PGPEP1L: variants seen among roughly 807,000 people sequenced by gnomAD.
The protein encoded by PGPEP1L is pyroglutamyl-peptidase 1-like protein.
In PGPEP1L, 7 loss-of-function variants were observed where a neutral mutation model predicts 6.0. The observed-to-expected ratio is 1.17, with a 90% confidence interval of 0.66 to 2.19. PGPEP1L has a LOEUF of 2.19. Among genes scored for constraint, PGPEP1L ranks in the 30% most tolerant of loss-of-function variants. The pLI, the probability that PGPEP1L is intolerant of heterozygous loss-of-function variation, is 0.00. For missense variants in PGPEP1L, 209 were observed against 192.5 expected (o/e 1.09, Z -0.51); for synonymous variants, 103 against 83.9 (o/e 1.23, Z -1.24).
At chr15:98,973,276 A>G (rs941197216) in intron 2 of PGPEP1L, among the ~76,000 whole-genome samples, 2 of 152,194 alleles carry the variant, frequency 1.3e-5, no homozygotes, top group African/African-American at 4.8e-5. Flanking sequence ...AAACTTTGAT[A>G]CTCCACTTTC....
intron 2 of PGPEP1L, among the ~76,000 whole-genome samples, chr15:98,973,443 A>G (rs1188361844): frequency 6.6e-6 from 1 of 152,234 alleles, no homozygotes; most frequent in Non-Finnish European, 1.5e-5. Flanking sequence ...CATTCTCCAG[A>G]ATAGTTCAAA....
At chr15:99,003,474 AG>A (rs2018003949) in intron 2 of PGPEP1L, among the ~76,000 whole-genome samples, 1 of 151,752 alleles carries the variant, frequency 6.6e-6, no homozygotes, top group Admixed American at 6.6e-5. Context: ...GAATTCTGAG[AG>A]GCCCGTGGGA....
intron 2 of PGPEP1L, among the ~76,000 whole-genome samples, chr15:98,986,996 G>C: frequency 6.6e-6 from 1 of 151,646 alleles, no homozygotes; most frequent in East Asian, 1.9e-4. Flanking sequence ...ATGAAACCTC[G>C]TTTCTACTAA....
intron 2 of PGPEP1L, among the ~76,000 whole-genome samples, chr15:98,991,786 A>T (rs1484068859): frequency 6.6e-6 from 1 of 152,260 alleles, no homozygotes; most frequent in African/African-American, 2.4e-5. Context: ...CCTGGGATGC[A>T]AGGCTGGTTC....
At chr15:98,978,433 AT>A (rs1298580399) in intron 2 of PGPEP1L, among the ~76,000 whole-genome samples, 3 of 151,800 alleles carry the variant, frequency 2.0e-5, no homozygotes, top group African/African-American at 7.3e-5. Flanking sequence ...GGCCTACTGG[AT>A]TTTGGAATCC....
At chr15:98,992,585 T>C (rs2017833886) in intron 2 of PGPEP1L, among the ~76,000 whole-genome samples, 1 of 152,118 alleles carries the variant, frequency 6.6e-6, no homozygotes. Flanking sequence ...TTCACAGAAC[T>C]GCAAAAACTA....
chr15:98,989,832 T>C (rs1555471883), intron 2 of PGPEP1L, among the ~76,000 whole-genome samples: 1 of 152,176 alleles, frequency 6.6e-6, no homozygotes, highest in African/African-American at 2.4e-5. Flanking sequence ...ATATTCAACA[T>C]TCTTAAAGAA....
intron 2 of PGPEP1L, among the ~76,000 whole-genome samples, chr15:98,998,568 G>A (rs930273454): frequency 1.3e-5 from 2 of 152,306 alleles, no homozygotes; most frequent in East Asian, 1.9e-4. Flanking sequence ...GGATAGGTTC[G>A]TCAACCAATG....
At chr15:98,984,220 C>A (rs974287794) in intron 2 of PGPEP1L, among the ~76,000 whole-genome samples, 13 of 152,048 alleles carry the variant, frequency 8.5e-5, no homozygotes, top group African/African-American at 3.1e-4. Flanking sequence ...CCATGTTAGC[C>A]AAGATGGTCT....
At chr15:98,996,933 T>A (rs1264645760) in intron 2 of PGPEP1L, among the ~76,000 whole-genome samples, 1 of 152,134 alleles carries the variant, frequency 6.6e-6, no homozygotes, top group African/African-American at 2.4e-5. Context: ...ATGTGTTAAC[T>A]CCGTTAATCA....
intron 2 of PGPEP1L, among the ~76,000 whole-genome samples, chr15:99,000,264 CAGCCCGCCATGCCGG>C (rs1555472836): frequency 6.6e-6 from 1 of 152,244 alleles, no homozygotes. Context: ...TCAGGACCTG[CAGCCCGCCATGCCGG>C]AGCTCCCCCT....
chr15:98,987,682 A>G (rs1323460213), intron 2 of PGPEP1L, among the ~76,000 whole-genome samples: 1 of 152,086 alleles, frequency 6.6e-6, no homozygotes, highest in African/African-American at 2.4e-5. Flanking sequence ...CTACTCTTTA[A>G]TAGTTACTCT....
rs180711705 is a variant in PGPEP1L, at chr15:98,992,231, G to C, written c.-142+13198C>G. On this transcript the variant is annotated intron_variant, in intron 2 of 4. Coordinates refer to ENST00000535714, the MANE Select transcript of PGPEP1L (RefSeq NM_001167902.2). ...TCTCAGCCCAAAATCTCCTTAAGGT[G>C]ATAAGCAATTTCAGCAAAGTCTCAG... Among the ~76,000 whole-genome samples the C allele has an allele frequency of 4.4e-4, 67 of 152,330 alleles. 1 individual carries two copies. The highest frequency in any genetic ancestry group is 1.3e-4 in the Non-Finnish European group (9 of 68,032).
chr15:98,973,249 C>A (rs1160428545), intron 2 of PGPEP1L, among the ~76,000 whole-genome samples: 1 of 152,156 alleles, frequency 6.6e-6, no homozygotes, highest in African/African-American at 2.4e-5. Context: ...AGATTAACTG[C>A]AACCAATAAT....
chr15:98,995,858 C>T (rs2017880447), intron 2 of PGPEP1L, among the ~76,000 whole-genome samples: 1 of 152,178 alleles, frequency 6.6e-6, no homozygotes, highest in Admixed American at 6.5e-5. Context: ...CCTAGGAAAC[C>T]ATTAATCCTC....
intron 2 of PGPEP1L, among the ~76,000 whole-genome samples, chr15:98,978,738 T>A (rs1487832092): frequency 5.6e-4 from 80 of 143,056 alleles, no homozygotes; most frequent in Admixed American, 7.7e-4. Context: ...TTTTTTTTTT[T>A]TTTTTTTTTT....
intron 2 of PGPEP1L, among the ~76,000 whole-genome samples, chr15:98,983,417 G>A (rs1173580674): frequency 1.3e-5 from 2 of 152,184 alleles, no homozygotes; most frequent in Non-Finnish European, 2.9e-5. Flanking sequence ...TCAAATATGA[G>A]AAGAGCCCTG....
Position 98,969,596 on chromosome 15 carries a change from G to T in PGPEP1L, c.38C>A (p.Ser13Tyr), listed in dbSNP as rs747143833. The T allele has an allele frequency of 6.2e-7, 1 of 1,613,570 alleles. No individual in the cohort carries two copies. Among genetic ancestry groups the T allele is most frequent in the African/African-American group, 1.3e-5 (1 of 74,942 alleles). ...TAAKAIILEQ[S>Y]GKNQGYRDAD... ...GTCCCGGTAGCCTTGGTTCTTGCCAGACTGTTCCAGAATGATCGCCTTGGC... is the reference window on the plus strand; with the variant it reads ...GTCCCGGTAGCCTTGGTTCTTGCCATACTGTTCCAGAATGATCGCCTTGGC... The change falls in exon 4 of 5, where the codon TCT becomes TAT. Residue 13 changes from serine to tyrosine, a missense_variant. By Grantham distance (144) the Ser-to-Tyr change is moderately radical. Coordinates refer to ENST00000535714, the MANE Select transcript of PGPEP1L (RefSeq NM_001167902.2).
chr15:98,978,557 T>TC (rs1237028026), intron 2 of PGPEP1L, among the ~76,000 whole-genome samples: 1 of 151,870 alleles, frequency 6.6e-6, no homozygotes, highest in Non-Finnish European at 1.5e-5. Context: ...CTTTTTTGTT[T>TC]TTTCCCCAAA....
Sources: gnomAD v4.1 joint callset for allele counts (sites outside exome capture counted in the v4.1 genomes callset) on GRCh38, gnomAD v4.1.1 for gene constraint, MANE v1.5 for transcripts, NCBI Gene and HGNC (gene_info 2026-07-23, HGNC 2026-07-21) for gene names.